SUSD6: variants seen among roughly 807,000 people sequenced by gnomAD.
SUSD6 encodes sushi domain containing 6.
In SUSD6, 16 loss-of-function variants were observed where a neutral mutation model predicts 28.4. The ratio of observed to expected loss-of-function variants is 0.56; its 90% CI spans 0.38 to 0.86. The LOEUF is 0.86. Among genes scored for constraint, SUSD6 ranks in the 40% least tolerant of loss-of-function variants. The pLI is 0.00. For missense variants in SUSD6, 341 were observed against 384.2 expected, an observed-to-expected ratio of 0.89 and a Z score of 0.94; for synonymous variants, 147 against 159.6, an observed-to-expected ratio of 0.92 and a Z score of 0.59.
intron 2 of SUSD6, among the ~76,000 whole-genome samples, chr14:69,681,018 C>T (rs1043635961): frequency 5.9e-5 from 9 of 152,152 alleles, no homozygotes; most frequent in African/African-American, 1.9e-4. Flanking sequence ...AGTTGTTTTG[C>T]AGCCTAGTTC....
intron 2 of SUSD6, among the ~76,000 whole-genome samples, chr14:69,679,741 T>A (rs1357649315): frequency 6.6e-6 from 1 of 152,220 alleles, no homozygotes; most frequent in Non-Finnish European, 1.5e-5. Context: ...ACTATTATTT[T>A]ACTATGTCAA....
At chr14:69,640,904 A>G (rs1174686015) in intron 1 of SUSD6, among the ~76,000 whole-genome samples, 1 of 152,236 alleles carries the variant, frequency 6.6e-6, no homozygotes, top group Admixed American at 6.5e-5. Flanking sequence ...AACATGGGTA[A>G]ATGCCCTTTT....
Position 69,620,470 on chromosome 14 carries a change from A to G in SUSD6, c.-81+8642A>G, listed in dbSNP as rs537632763. On this transcript the variant is annotated intron_variant, in intron 1 of 5. Transcript: ENST00000342745. ...AGGTATACAGTTGTGAACAAAGAAC[A>G]AAATGGTCATAATACTTGCTGGCAT... 2.7e-3 allele frequency among the ~76,000 whole-genome samples: 407 copies of G among 152,360 alleles called. 1 individual carries two copies. The highest frequency in any genetic ancestry group is 4.6e-3 in the Admixed American group (71 of 15,306).
intron 1 of SUSD6, among the ~76,000 whole-genome samples, chr14:69,654,983 C>T (rs779123383): frequency 3.3e-5 from 5 of 151,926 alleles, no homozygotes; most frequent in Non-Finnish European, 5.9e-5. Context: ...CTAGTAGAGA[C>T]GGGGTTTCAC....
intron 2 of SUSD6, among the ~76,000 whole-genome samples, chr14:69,668,794 GCTCT>G (rs1241759268): frequency 2.0e-5 from 3 of 151,968 alleles, no homozygotes; most frequent in Non-Finnish European, 2.9e-5. Flanking sequence ...TTGATGGTGA[GCTCT>G]CTGAGTTCAC....
rs1229390361 is a variant in SUSD6 at position 69,658,586 on chromosome 14, A to T, written c.-7A>T. The T allele has an allele frequency of 1.9e-6, 3 of 1,613,976 alleles. No homozygotes were observed. Among genetic ancestry groups the T allele is most frequent in the Admixed American group, 3.3e-5 (2 of 59,992 alleles). ...TTTCTTTTTAAAAAAACTTGGACGG[A>T]TAAAAGATGTGCCATGGCAGGATAG... On this transcript the variant is annotated 5_prime_UTR_variant, in exon 2 of 6. Coordinates refer to ENST00000342745, the MANE Select transcript of SUSD6 (RefSeq NM_014734.4).
Position 69,703,554 on chromosome 14 carries a change from G to T in SUSD6, c.281G>T (p.Trp94Leu), listed in dbSNP as rs1406601707. The T allele has an allele frequency of 1.2e-6, 2 of 1,614,214 alleles. No homozygotes were observed. Among genetic ancestry groups the T allele is most frequent in the East Asian group, 4.5e-5 (2 of 44,890 alleles). The stretch of plus-strand genomic sequence containing the variant: ...TACCTGACGTGTAAGAATGGCGAGT[G>T]GAAACCAGCCATGGAGATTAGCTGC... ...YKYLTCKNGE[W>L]KPAMEISCRL... The change falls in exon 3 of 6, where the codon TGG becomes TTG. Residue 94 changes from tryptophan (W) to leucine (L), a missense_variant. Coordinates refer to ENST00000342745, the MANE Select transcript of SUSD6 (RefSeq NM_014734.4).
chr14:69,700,262 C>T (rs547958762), intron 2 of SUSD6, among the ~76,000 whole-genome samples: 4 of 152,148 alleles, frequency 2.6e-5, no homozygotes, highest in East Asian at 1.9e-4. Context: ...ACTCTTTTGC[C>T]GTCACTATCT....
chr14:69,705,040 G>T (rs760721718), intron 4 of SUSD6, among the ~76,000 whole-genome samples: 1 of 152,172 alleles, frequency 6.6e-6, no homozygotes, highest in Non-Finnish European at 1.5e-5. Context: ...CTGAGGCTGC[G>T]CGCGGTGGCT....
chr14:69,704,847 G>A (rs1004497271), intron 4 of SUSD6, 105 bp downstream of exon 4: 6 of 1,265,596 alleles, frequency 4.7e-6, no homozygotes, highest in Non-Finnish European at 5.5e-6. Flanking sequence ...CTGTGGGTCT[G>A]TGTGTGTCCA....
At chr14:69,671,475 G>A (rs975481785) in intron 2 of SUSD6, among the ~76,000 whole-genome samples, 6 of 152,190 alleles carry the variant, frequency 3.9e-5, no homozygotes, top group Admixed American at 1.3e-4. Flanking sequence ...CAGCCAACTC[G>A]TAGGAGGCAT....
chr14:69,613,540 G>T (rs143507113), intron 1 of SUSD6, among the ~76,000 whole-genome samples: 236 of 152,358 alleles, frequency 1.5e-3, no homozygotes, highest in African/African-American at 5.6e-3. Context: ...AAGTAGTTAT[G>T]TGATACCGAA....
intron 1 of SUSD6, among the ~76,000 whole-genome samples, chr14:69,643,198 T>G (rs976810398): frequency 6.6e-6 from 1 of 152,204 alleles, no homozygotes; most frequent in African/African-American, 2.4e-5. Flanking sequence ...GGAAGGAGAA[T>G]AAGTTGAGTC....
chr14:69,669,883 C>G (rs1220012438), intron 2 of SUSD6, among the ~76,000 whole-genome samples: 1 of 151,832 alleles, frequency 6.6e-6, no homozygotes, highest in African/African-American at 2.4e-5. Flanking sequence ...GACAGGTTTT[C>G]CTAGGAGCAG....
intron 2 of SUSD6, among the ~76,000 whole-genome samples, chr14:69,694,904 G>T (rs1271723980): frequency 6.6e-6 from 1 of 152,084 alleles, no homozygotes; most frequent in Non-Finnish European, 1.5e-5. Flanking sequence ...TCTTAGGAAG[G>T]CAGTGGTGGG....
chr14:69,632,134 C>A (rs1159569523), intron 1 of SUSD6, among the ~76,000 whole-genome samples: 4 of 152,270 alleles, frequency 2.6e-5, no homozygotes, highest in African/African-American at 9.6e-5. Context: ...TAAGACATGA[C>A]AAATTATACT....
intron 4 of SUSD6, among the ~76,000 whole-genome samples, chr14:69,705,153 T>A (rs1886369661): frequency 6.6e-6 from 1 of 151,732 alleles, no homozygotes; most frequent in African/African-American, 2.4e-5. Context: ...CTGTCTCTAC[T>A]AAAAATACAA....
At chr14:69,696,339 C>T (rs1877184947) in intron 2 of SUSD6, among the ~76,000 whole-genome samples, 1 of 152,204 alleles carries the variant, frequency 6.6e-6, no homozygotes, top group South Asian at 2.1e-4. Flanking sequence ...GTACTTGGCA[C>T]AGGTAATAAA....
rs1008363928 is a variant in SUSD6, at chr14:69,655,813, G to A, written c.-80-2700G>A. ...GTCTTTTAAAAAACAACCAAAAAACGCCAAAAAACTAAATTTAAGATTCTT... is the reference window on the plus strand; with the variant it reads ...GTCTTTTAAAAAACAACCAAAAAACACCAAAAAACTAAATTTAAGATTCTT... On this transcript the variant is annotated intron_variant, in intron 1 of 5. Transcript: ENST00000342745. 6.9e-4 allele frequency among the ~76,000 whole-genome samples: 105 copies of A among 151,864 alleles called. 1 individual carries two copies. The highest frequency in any genetic ancestry group is 2.4e-3 in the African/African-American group (99 of 41,380).
Sources: allele counts gnomAD v4.1 joint callset (sites outside exome capture counted in the v4.1 genomes callset), GRCh38; gene constraint gnomAD v4.1.1; transcripts MANE v1.5; gene names NCBI Gene and HGNC (gene_info 2026-07-23, HGNC 2026-07-21).